Variants in PAN3 observed in about 807,000 individuals in gnomAD.
The protein encoded by PAN3 is poly(A) specific ribonuclease subunit PAN3.
Under a neutral mutation model 96.2 loss-of-function variants are expected in PAN3, and 19 were observed. The observed-to-expected ratio is 0.20, with a 90% CI of 0.14 to 0.29. PAN3 has a LOEUF of 0.29. Ranked by LOEUF, PAN3 falls within the 10% of genes least tolerant of loss-of-function variation. The pLI is 1.00. For synonymous variants in PAN3, 433 were observed against 406.6 expected (o/e 1.06, Z -0.78); for missense variants, 882 against 1,108.1 (o/e 0.80, Z 2.90).
At chr13:28,185,379 T>C (rs1314889233) in intron 4 of PAN3, among the ~76,000 whole-genome samples, 2 of 152,166 alleles carry the variant, frequency 1.3e-5, no homozygotes, top group African/African-American at 2.4e-5. Context: ...GTTTCCAGGA[T>C]TGGGTTGAGA....
At chr13:28,179,386 G>C (rs1158535783) in intron 4 of PAN3, among the ~76,000 whole-genome samples, 1 of 152,152 alleles carries the variant, frequency 6.6e-6, no homozygotes, top group Admixed American at 6.5e-5. Flanking sequence ...AATTTTCTTA[G>C]GTATTCCCTA....
intron 6 of PAN3, among the ~76,000 whole-genome samples, chr13:28,248,851 A>T (rs1190249462): frequency 1.3e-5 from 2 of 152,122 alleles, no homozygotes; most frequent in Non-Finnish European, 2.9e-5. Context: ...TGGGTTTGTC[A>T]TATATAGCTT....
intron 5 of PAN3, chr13:28,214,395 AGTATT>A (rs1235098703): frequency 6.2e-6 from 1 of 161,946 alleles, no homozygotes; most frequent in Non-Finnish European, 1.3e-5. Context: ...ATACAAATGA[AGTATT>A]GATAGGTGCA....
At chr13:28,186,238 A>G (rs1876450883) in intron 4 of PAN3, among the ~76,000 whole-genome samples, 1 of 152,220 alleles carries the variant, frequency 6.6e-6, no homozygotes, top group African/African-American at 2.4e-5. Context: ...AGCTAGAATG[A>G]CATTAAGATT....
At chr13:28,199,243 G>T (rs1047043468) in intron 5 of PAN3, among the ~76,000 whole-genome samples, 1 of 152,080 alleles carries the variant, frequency 6.6e-6, no homozygotes, top group East Asian at 1.9e-4. Context: ...TTGTGGGGGT[G>T]AAACACTTAC....
chr13:28,192,391 A>C (rs1186762980), intron 4 of PAN3, among the ~76,000 whole-genome samples: 1 of 152,148 alleles, frequency 6.6e-6, no homozygotes, highest in Admixed American at 6.5e-5. Flanking sequence ...AATTGCATTC[A>C]AGCTTCATCT....
intron 5 of PAN3, chr13:28,215,869 T>A (rs1880687799): frequency 7.3e-7 from 1 of 1,367,018 alleles, no homozygotes; most frequent in African/African-American, 1.4e-5. Context: ...GTCACCAGGT[T>A]TGCCCAGAAA....
intron 5 of PAN3, chr13:28,215,724 C>T (rs1880666144): frequency 2.7e-6 from 4 of 1,498,694 alleles, no homozygotes; most frequent in Admixed American, 1.9e-5. Flanking sequence ...TGATATAGTT[C>T]CTGGCAAGCC....
chr13:28,191,593 A>G (rs1433898726), intron 4 of PAN3, among the ~76,000 whole-genome samples: 1 of 152,040 alleles, frequency 6.6e-6, no homozygotes, highest in Non-Finnish European at 1.5e-5. Flanking sequence ...CCTAACCTAG[A>G]CTACTGCCAG....
intron 1 of PAN3, among the ~76,000 whole-genome samples, chr13:28,158,888 A>G (rs1054046978): frequency 2.0e-5 from 3 of 152,088 alleles, no homozygotes; most frequent in Admixed American, 2.0e-4. Context: ...AGAAAAAAAA[A>G]AAAAAGCTCA....
chr13:28,252,831 A>G (rs143581423), intron 6 of PAN3, among the ~76,000 whole-genome samples: 3 of 152,270 alleles, frequency 2.0e-5, no homozygotes, highest in Non-Finnish European at 2.9e-5. Flanking sequence ...TTAAAATACA[A>G]ATTTTCATCC....
intron 5 of PAN3, among the ~76,000 whole-genome samples, chr13:28,199,920 AT>A (rs1362299699): frequency 2.0e-5 from 3 of 152,168 alleles, no homozygotes; most frequent in Admixed American, 2.0e-4. Context: ...GTTAATAATT[AT>A]GGCTATGTTT....
At chr13:28,179,198 G>C (rs1231155147) in intron 4 of PAN3, among the ~76,000 whole-genome samples, 2 of 152,094 alleles carry the variant, frequency 1.3e-5, no homozygotes, top group Non-Finnish European at 2.9e-5. Flanking sequence ...TTATAAACTG[G>C]AATACTTGGT....
At chr13:28,216,996 C>T (rs1421866005) in intron 5 of PAN3, among the ~76,000 whole-genome samples, 3 of 151,822 alleles carry the variant, frequency 2.0e-5, no homozygotes, top group Non-Finnish European at 4.4e-5. Flanking sequence ...CGCCTGTAAT[C>T]CCAGCTACTC....
At chr13:28,184,394 G>T (rs1316502676) in intron 4 of PAN3, among the ~76,000 whole-genome samples, 1 of 152,076 alleles carries the variant, frequency 6.6e-6, no homozygotes, top group East Asian at 1.9e-4. Flanking sequence ...AATTTGCATA[G>T]AATAATATAA....
intron 1 of PAN3, among the ~76,000 whole-genome samples, chr13:28,139,508 G>GGGTGTT (rs1869348489): frequency 7.7e-6 from 1 of 130,562 alleles, no homozygotes; most frequent in African/African-American, 3.2e-5. Context: ...GTGGGGAGGG[G>GGGTGTT]TGTGTTTGTG....
chr13:28,271,647 G>C (rs531499790), intron 13 of PAN3, among the ~76,000 whole-genome samples: 67 of 152,314 alleles, frequency 4.4e-4, no homozygotes, highest in African/African-American at 1.6e-3. Flanking sequence ...TTTTGCAAGT[G>C]TTAGAAAGCT....
chr13:28,284,082 C>T (rs534828763), intron 17 of PAN3, among the ~76,000 whole-genome samples: 11 of 152,284 alleles, frequency 7.2e-5, no homozygotes, highest in Admixed American at 4.6e-4. Context: ...AGGTGTGCCA[C>T]TATAATTTCA....
chr13:28,196,547 TTTG>T (rs550206978), intron 4 of PAN3, among the ~76,000 whole-genome samples: 137 of 152,210 alleles, frequency 9.0e-4, no homozygotes, highest in African/African-American at 2.8e-3. Context: ...GTGTTACTGT[TTTG>T]TTGTTGTTTT....
Sources: allele counts gnomAD v4.1 joint callset (sites outside exome capture counted in the v4.1 genomes callset), GRCh38; gene constraint gnomAD v4.1.1; transcripts MANE v1.5; gene names NCBI Gene and HGNC (gene_info 2026-07-23, HGNC 2026-07-21).